PCDHGA3: variants seen among roughly 807,000 people sequenced by gnomAD.
PCDHGA3 encodes the protein protocadherin gamma subfamily A, 3.
A neutral mutation model predicts 58.5 loss-of-function variants in PCDHGA3; 40 were observed. That is an observed-to-expected ratio of 0.68 (90% confidence interval 0.53 to 0.89). The LOEUF is 0.89. Ranked by LOEUF, PCDHGA3 falls within the 40% of genes least tolerant of loss-of-function variation. PCDHGA3 has a pLI of 0.00. For synonymous variants in PCDHGA3, 530 were observed against 525.7 expected (o/e 1.01, Z -0.11); for missense variants, 1,223 against 1,195.9 (o/e 1.02, Z -0.33).
chr5:141,415,249 G>A (rs756443082), intron 1 of PCDHGA3: 1 of 1,614,204 alleles, frequency 6.2e-7, no homozygotes, highest in South Asian at 1.1e-5. Context: ...TGAAACCTCA[G>A]ACCTCACTCT....
At chr5:141,375,095 T>G in intron 1 of PCDHGA3, 1 of 1,613,960 alleles carries the variant, frequency 6.2e-7, no homozygotes. Flanking sequence ...AATAACTATC[T>G]TGGATGTCAA....
chr5:141,398,189 T>G (rs926901002), intron 1 of PCDHGA3: 3 of 1,482,238 alleles, frequency 2.0e-6, no homozygotes, highest in Middle Eastern at 2.3e-4. Context: ...TTTCTCTTCC[T>G]GCTGTCTTTG....
rs760017836 is a variant in PCDHGA3, at chr5:141,432,060, C to G, written c.2425-62747C>G. 1.2e-6 allele frequency: 2 copies of G among 1,614,200 alleles called. No homozygotes were observed. The highest frequency in any genetic ancestry group is 1.7e-6 in the Non-Finnish European group (2 of 1,180,048). ...GACCGGGGAACCCCGCCCCTATCCACGGAAACTCATATCTCGCTGAACGTG... is the reference window on the plus strand; with the variant it reads ...GACCGGGGAACCCCGCCCCTATCCAGGGAAACTCATATCTCGCTGAACGTG... On this transcript the variant is annotated intron_variant, in intron 1 of 3. Coordinates refer to ENST00000253812, the MANE Select transcript of PCDHGA3 (RefSeq NM_018916.4). The surrounding 1 kb of genome is among the most constrained non-coding windows in gnomAD (Gnocchi z 6.0).
Position 141,362,300 on chromosome 5 carries a change from A to G in PCDHGA3, c.2424+15843A>G, listed in dbSNP as rs1411423412. 3 of 1,613,936 alleles carry G rather than the reference A, an allele frequency of 1.9e-6. No individual in the cohort carries two copies. In the East Asian group the frequency reaches 6.7e-5, roughly 36 times the overall value. The stretch of plus-strand genomic sequence containing the variant: ...CGCCTGCGACTCTCTTCCAGGTCAG[A>G]TGCTTGGGACTGTTTTCAGCCTGGT... On this transcript the variant is annotated intron_variant, in intron 1 of 3. Transcript: ENST00000253812.
chr5:141,447,658 A>C (rs114314834), intron 1 of PCDHGA3, among the ~76,000 whole-genome samples: 3,576 of 152,302 alleles, frequency 0.023, 90 homozygotes, highest in Non-Finnish European at 0.03. Context: ...TTTCCCCCCC[A>C]GGAAGTTAGA....
At position 141,343,897 on chromosome 5, in the gene PCDHGA3, A is replaced by C. The variant is rs763761194; in HGVS notation, c.-137A>C. The C allele has an allele frequency of 1.8e-5, 14 of 780,324 alleles. No individual in the cohort carries two copies. Among genetic ancestry groups the C allele is most frequent in the Admixed American group, 1.5e-4 (5 of 33,936 alleles). 48.3% of individuals were successfully genotyped at this position (780,324 alleles called of 1,614,324 possible). A position where few individuals can be genotyped will look rare whatever the true frequency, so the allele number is the denominator to read the frequency against. On this transcript the variant is annotated 5_prime_UTR_variant, in exon 1 of 4. Coordinates refer to ENST00000253812, the MANE Select transcript of PCDHGA3 (RefSeq NM_018916.4). Reference sequence around the variant, plus strand: ...CTCAGAAGATCCGGGGCGGCTGCCAACCTCACCTCTTAGTCAACCAGCTGT... The same window carrying C: ...CTCAGAAGATCCGGGGCGGCTGCCACCCTCACCTCTTAGTCAACCAGCTGT...
Position 141,487,591 on chromosome 5 carries a change from C to G in PCDHGA3, c.2425-7216C>G, listed in dbSNP as rs2099653282. The G allele has an allele frequency of 1.2e-6, 2 of 1,614,176 alleles. No individual in the cohort carries two copies. The highest frequency in any genetic ancestry group is 1.7e-6 in the Non-Finnish European group (2 of 1,180,036). ...AGCCTGTTCGCCCAAGCTGCCCACC[C>G]TCTGATCTTCTCTATGGGCTAGAGG... is the stretch of plus-strand genomic sequence containing the variant. On this transcript the variant is annotated intron_variant, in intron 1 of 3. Coordinates refer to ENST00000253812, the MANE Select transcript of PCDHGA3 (RefSeq NM_018916.4). The surrounding 1 kb of genome is among the most constrained non-coding windows in gnomAD (Gnocchi z 5.0).
chr5:141,415,096 G>A (rs1398998410), intron 1 of PCDHGA3: 3 of 1,613,462 alleles, frequency 1.9e-6, no homozygotes, highest in Non-Finnish European at 2.5e-6. Flanking sequence ...GGACAGAGAC[G>A]CGCTCAAGCA....
chr5:141,344,083 G>T lies in PCDHGA3; in HGVS notation c.50G>T (p.Cys17Phe), dbSNP rs1231019668. ...AATGGCAGAGGACTGGCCCTGCTGT[G>T]CGCGCTCCTGGGGACGCTGTGCGAA... ...FRNGRGLALL[C>F]ALLGTLCETG... is the part of the protein sequence containing the mutation. Residue 17 changes from cysteine to phenylalanine, a missense_variant, in exon 1 of 4, where the codon TGC (cysteine) becomes TTC (phenylalanine). Transcript: ENST00000253812. 9 of 1,611,398 alleles carry T rather than the reference G, an allele frequency of 5.6e-6. No homozygotes were observed. In the South Asian group the frequency reaches 6.6e-5, roughly 12 times the overall value.
At chr5:141,426,922 T>C in intron 1 of PCDHGA3, 1 of 456,720 alleles carries the variant, frequency 2.2e-6, no homozygotes, top group Non-Finnish European at 4.4e-6. Flanking sequence ...CTGGAAGCAA[T>C]GGACATGGGT....
chr5:141,394,560 G>GGGCT, intron 1 of PCDHGA3: 2 of 1,614,118 alleles, frequency 1.2e-6, no homozygotes, highest in Non-Finnish European at 1.7e-6. Flanking sequence ...CCGCTCCGCA[G>GGGCT]AGCGTGGCTA....
intron 1 of PCDHGA3, chr5:141,378,010 T>C (rs1476632072): frequency 6.6e-6 from 1 of 152,212 alleles, no homozygotes; most frequent in Non-Finnish European, 1.5e-5. Flanking sequence ...TCAAATAAGC[T>C]CTACTTATAT....
At chr5:141,384,676 G>A in intron 1 of PCDHGA3, 4 of 1,614,214 alleles carry the variant, frequency 2.5e-6, no homozygotes, top group Non-Finnish European at 3.4e-6. Flanking sequence ...CAAGGTGGTG[G>A]CGGTGGACAA....
Position 141,431,349 on chromosome 5 carries a change from A to G in PCDHGA3, c.2425-63458A>G. 1.2e-6 allele frequency: 2 copies of G among 1,614,026 alleles called. No individual in the cohort carries two copies. The highest frequency in any genetic ancestry group is 4.5e-5 in the East Asian group (2 of 44,874). On this transcript the variant is annotated intron_variant, in intron 1 of 3. Coordinates refer to ENST00000253812, the MANE Select transcript of PCDHGA3 (RefSeq NM_018916.4). This position sits in a 1 kb window ranked among gnomAD's most constrained non-coding sequence, Gnocchi z 4.8. ...AGTAAGTACCCCGAATTGGTGCTGAAACGCGCCCTGGACCGCGAAGAAAAG... is the reference window on the plus strand; with the variant it reads ...AGTAAGTACCCCGAATTGGTGCTGAGACGCGCCCTGGACCGCGAAGAAAAG...
chr5:141,409,887 T>C, intron 1 of PCDHGA3: 2 of 1,613,062 alleles, frequency 1.2e-6, no homozygotes, highest in Admixed American at 1.7e-5. Context: ...GCACCGCGGG[T>C]GCTGTACCCA....
At chr5:141,347,195 T>C (rs577064998) in intron 1 of PCDHGA3, among the ~76,000 whole-genome samples, 1 of 78,072 alleles carries the variant, frequency 1.3e-5, no homozygotes, top group African/African-American at 7.4e-5. Flanking sequence ...AGGGTCTTAC[T>C]CTGTCTGGAG....
chr5:141,492,723 C>T (rs896613323), intron 1 of PCDHGA3, among the ~76,000 whole-genome samples: 2 of 152,268 alleles, frequency 1.3e-5, no homozygotes, highest in African/African-American at 4.8e-5. Flanking sequence ...GGCGGACAGG[C>T]AGAGCTGCCC....
At chr5:141,393,602 T>G in intron 1 of PCDHGA3, 1 of 1,613,892 alleles carries the variant, frequency 6.2e-7, no homozygotes, top group Non-Finnish European at 8.5e-7. Context: ...GGCTGCTTAC[T>G]GTAACAGCCA....
Position 141,477,197 on chromosome 5 carries a change from G to C in PCDHGA3, c.2425-17610G>C, listed in dbSNP as rs781504885. 6.2e-7 allele frequency: 1 copy of C among 1,614,210 alleles called. No homozygotes were observed. Among genetic ancestry groups the C allele is most frequent in the South Asian group, 1.1e-5 (1 of 91,082 alleles). On this transcript the variant is annotated intron_variant, in intron 1 of 3. Transcript: ENST00000253812. The surrounding 1 kb of genome is among the most constrained non-coding windows in gnomAD (Gnocchi z 4.9). ...CACAGTCACCTCCGTGTACAGCCCA[G>C]TACCCGAGGATGCCCCTCTGGGGAC...
Sources: gnomAD v4.1 joint callset for allele counts (sites outside exome capture counted in the v4.1 genomes callset) on GRCh38, gnomAD v4.1.1 for gene constraint, Gnocchi (gnomAD v3.1) non-coding constraint, MANE v1.5 for transcripts, NCBI Gene and HGNC (gene_info 2026-07-23, HGNC 2026-07-21) for gene names.